PLS1: variants seen among roughly 807,000 people sequenced by gnomAD.
PLS1 encodes plastin-1.
PLS1 carries 32 observed loss-of-function variants against 73.7 expected under a neutral mutation model. The ratio of observed to expected loss-of-function variants is 0.43; its 90% CI spans 0.33 to 0.58. PLS1 has a LOEUF of 0.58. Ranked by LOEUF, PLS1 falls within the 20% of genes least tolerant of loss-of-function variation. PLS1 has a pLI of 0.04. For missense variants in PLS1, 633 were observed against 740.5 expected (o/e 0.85, Z 1.68); for synonymous variants, 217 against 261.3 (o/e 0.83, Z 1.63).
At chr3:142,698,152 C>T (rs1038410223) in intron 12 of PLS1, 85 bp downstream of exon 12, 16 of 774,124 alleles carry the variant, frequency 2.1e-5, no homozygotes, top group Non-Finnish European at 3.1e-5. Context: ...TATACGTGCT[C>T]TGTCCCCACA....
At chr3:142,628,368 GTGTGCGCGCACA>G (rs368435806) in intron 1 of PLS1, among the ~76,000 whole-genome samples, 3,516 of 141,908 alleles carry the variant, frequency 0.025, 67 homozygotes, top group Non-Finnish European at 0.041. Flanking sequence ...CAGTGTGCAT[GTGTGCGCGCACA>G]TGTGCATGCA....
intron 1 of PLS1, among the ~76,000 whole-genome samples, chr3:142,651,226 G>A (rs2354175): frequency 0.62 from 94,809 of 151,738 alleles, 30,070 homozygotes; most frequent in African/African-American, 0.68. Flanking sequence ...TTGGGAGCCC[G>A]AGGCAGGTGG....
chr3:142,658,522 G>GCC (rs959489087), intron 1 of PLS1, among the ~76,000 whole-genome samples: 6 of 150,956 alleles, frequency 4.0e-5, no homozygotes, highest in African/African-American at 1.5e-4. Flanking sequence ...TACCCTGCAA[G>GCC]CCCTGCTCCT....
chr3:142,678,167 C>T (rs1049049503), intron 6 of PLS1, 54 bp downstream of exon 6: 3 of 796,146 alleles, frequency 3.8e-6, no homozygotes, highest in Non-Finnish European at 5.8e-6. Context: ...AAATATAAGA[C>T]CTTTATTAAT....
At chr3:142,622,647 C>T (rs1367074660) in intron 1 of PLS1, among the ~76,000 whole-genome samples, 1 of 152,106 alleles carries the variant, frequency 6.6e-6, no homozygotes, top group Non-Finnish European at 1.5e-5. Context: ...GATAATTAAC[C>T]AGACAGTGAA....
chr3:142,697,063 CATATA>C (rs980393752), intron 11 of PLS1, among the ~76,000 whole-genome samples: 28 of 152,030 alleles, frequency 1.8e-4, no homozygotes, highest in African/African-American at 5.8e-4. Context: ...GGAGAAAAGC[CATATA>C]ATATATCACA....
intron 1 of PLS1, among the ~76,000 whole-genome samples, chr3:142,653,622 C>T (rs6789898): frequency 2.6e-5 from 4 of 152,100 alleles, no homozygotes; most frequent in African/African-American, 9.7e-5. Context: ...CCTTGACATC[C>T]CAAAGTGCTG....
At chr3:142,606,578 C>A (rs2036022253) in intron 1 of PLS1, among the ~76,000 whole-genome samples, 2 of 152,178 alleles carry the variant, frequency 1.3e-5, no homozygotes, top group African/African-American at 4.8e-5. Flanking sequence ...TATTCATTAG[C>A]ACTTTCCTCA....
At chr3:142,657,802 T>G (rs1490211331) in intron 1 of PLS1, among the ~76,000 whole-genome samples, 2 of 152,200 alleles carry the variant, frequency 1.3e-5, no homozygotes, top group Non-Finnish European at 1.5e-5. Context: ...ATTGCTTTAA[T>G]TGAGGAGGAA....
At chr3:142,676,326 G>C in intron 5 of PLS1, 37 bp downstream of exon 5, 1 of 1,598,692 alleles carries the variant, frequency 6.3e-7, no homozygotes. Context: ...CTGCGTTCTT[G>C]CTGATTACAT....
chr3:142,683,968 G>A, intron 6 of PLS1, 38 bp from the exon 7 acceptor site: 1 of 1,503,602 alleles, frequency 6.7e-7, no homozygotes, highest in African/African-American at 1.4e-5. Flanking sequence ...ACCTTAGAAA[G>A]GACTTCCTCA....
At chr3:142,647,472 G>A (rs1489581337) in intron 1 of PLS1, among the ~76,000 whole-genome samples, 1 of 151,022 alleles carries the variant, frequency 6.6e-6, no homozygotes, top group African/African-American at 2.4e-5. Flanking sequence ...TTTGTAGTCT[G>A]CCTGTTCATT....
At position 142,610,906 on chromosome 3, in the gene PLS1, T is replaced by C. The variant is rs1459895923; in HGVS notation, c.-37+14397T>C. ...CACTGAGCTAGGCCTCATCTGTCTC[T>C]ACCATTGTAGAGCTAACAGTCTAGA... On this transcript the variant is annotated intron_variant, in intron 1 of 15. Coordinates refer to ENST00000457734, the MANE Select transcript of PLS1 (RefSeq NM_001145319.2). Among the ~76,000 whole-genome samples the C allele has an allele frequency of 4.6e-5, 7 of 152,340 alleles. 1 individual carries two copies. The highest frequency in any genetic ancestry group is 4.6e-4 in the Admixed American group (7 of 15,296).
At chr3:142,700,651 T>G (rs1359182515) in intron 12 of PLS1, among the ~76,000 whole-genome samples, 1 of 152,208 alleles carries the variant, frequency 6.6e-6, no homozygotes, top group Non-Finnish European at 1.5e-5. Context: ...TCTTTTCACT[T>G]GAACCCTTGT....
intron 11 of PLS1, among the ~76,000 whole-genome samples, chr3:142,695,169 G>A (rs1378459081): frequency 6.6e-6 from 1 of 152,044 alleles, no homozygotes; most frequent in Non-Finnish European, 1.5e-5. Flanking sequence ...TGCAAAATAA[G>A]CCAACTTCAG....
intron 6 of PLS1, among the ~76,000 whole-genome samples, chr3:142,683,365 G>T (rs1030214550): frequency 6.6e-6 from 1 of 152,214 alleles, no homozygotes; most frequent in African/African-American, 2.4e-5. Context: ...CTGGCCGGGC[G>T]TGGTGGCGGG....
chr3:142,703,383 C>T (rs1356584100), intron 12 of PLS1, among the ~76,000 whole-genome samples: 1 of 151,358 alleles, frequency 6.6e-6, no homozygotes, highest in African/African-American at 2.4e-5. Context: ...GCAACCTCCA[C>T]CTCGCAGGTT....
At chr3:142,621,187 AAAG>A (rs2036309003) in intron 1 of PLS1, among the ~76,000 whole-genome samples, 1 of 152,170 alleles carries the variant, frequency 6.6e-6, no homozygotes, top group South Asian at 2.1e-4. Flanking sequence ...AGTAGATACT[AAAG>A]AAGAATATAT....
At chr3:142,703,352 A>G (rs1238176699) in intron 12 of PLS1, among the ~76,000 whole-genome samples, 1 of 145,122 alleles carries the variant, frequency 6.9e-6, no homozygotes, top group Admixed American at 7.3e-5. Flanking sequence ...CTAGAGGGCA[A>G]TGGCGCGATC....
Sources: gnomAD v4.1 joint callset for allele counts (sites outside exome capture counted in the v4.1 genomes callset) on GRCh38, gnomAD v4.1.1 for gene constraint, MANE v1.5 for transcripts, NCBI Gene and HGNC (gene_info 2026-07-23, HGNC 2026-07-21) for gene names.